The following FCGRT variants were observed in gnomAD, a reference collection of about 807,000 sequenced individuals.
FCGRT encodes the protein IgG receptor FcRn large subunit p51.
FCGRT carries 13 observed loss-of-function variants against 35.7 expected under a neutral mutation model. The observed-to-expected ratio is 0.36, with a 90% CI of 0.24 to 0.58. The LOEUF (loss-of-function observed/expected upper bound fraction) is 0.58, where lower values mean the gene tolerates loss of function less well. Among genes scored for constraint, FCGRT ranks in the 20% least tolerant of loss-of-function variants. The probability of loss-of-function intolerance (pLI) is 0.77; values close to 1 mark genes in which losing one functional copy is unlikely to be tolerated. For synonymous variants in FCGRT, 233 were observed against 216.5 expected, an observed-to-expected ratio of 1.08 and a Z score of -0.67; for missense variants, 455 against 474.9, an observed-to-expected ratio of 0.96 and a Z score of 0.39.
intron 4 of FCGRT, among the ~76,000 whole-genome samples, chr19:49,519,595 T>C (rs1445091842): frequency 6.6e-6 from 1 of 152,146 alleles, no homozygotes; most frequent in African/African-American, 2.4e-5. Context: ...TAGTCCTCCT[T>C]CTCTTCTTTA....
intron 2 of FCGRT, 120 bp downstream of exon 2, chr19:49,513,593 CG>C (rs1252167684): frequency 1.3e-5 from 7 of 538,144 alleles, no homozygotes; most frequent in Non-Finnish European, 2.0e-5. Context: ...CTGCCTTCTC[CG>C]CTCAATTAAC....
At chr19:49,518,596 C>T (rs770454306) in intron 4 of FCGRT, among the ~76,000 whole-genome samples, 3 of 152,186 alleles carry the variant, frequency 2.0e-5, no homozygotes, top group African/African-American at 7.2e-5. Flanking sequence ...TGCAGAGGCA[C>T]GAACTCGGCT....
In FCGRT at chr19:49,514,222, C is replaced by A; in HGVS notation, c.337C>A (p.Leu113Met). 2 of 1,610,572 alleles carry A rather than the reference C, an allele frequency of 1.2e-6. No individual in the cohort carries two copies. The highest frequency in any genetic ancestry group is 1.7e-6 in the Non-Finnish European group (2 of 1,178,486). Reference sequence around the variant, plus strand: ...TTTGGGCGCCCCAGGTCCCTACACTCTGCAGGGCCTGCTGGGCTGTGAACT... The same window carrying A: ...TTTGGGCGCCCCAGGTCCCTACACTATGCAGGGCCTGCTGGGCTGTGAACT... The part of the protein sequence containing the change: ...KALGGKGPYT[L>M]QGLLGCELGP... Residue 113 changes from leucine (L) to methionine (M), a missense_variant, in exon 4 of 7, where the codon CTG becomes ATG. Physicochemically the swap from Leu to Met is conservative, Grantham distance 15. Coordinates refer to ENST00000221466, the MANE Select transcript of FCGRT (RefSeq NM_001136019.3).
At chr19:49,516,997 C>G (rs143733879) in intron 4 of FCGRT, among the ~76,000 whole-genome samples, 15 of 152,094 alleles carry the variant, frequency 9.9e-5, no homozygotes, top group African/African-American at 3.1e-4. Flanking sequence ...CAAGACCAGC[C>G]TGGGCAACAT....
At chr19:49,524,441 C>G in intron 4 of FCGRT, 66 bp from the exon 5 acceptor site, 3 of 1,537,732 alleles carry the variant, frequency 2.0e-6, no homozygotes, top group Non-Finnish European at 2.6e-6. Context: ...CTTTCTGTCC[C>G]TATCCAGCCC....
chr19:49,524,148 A>T (rs941510129), intron 4 of FCGRT, among the ~76,000 whole-genome samples: 1 of 151,618 alleles, frequency 6.6e-6, no homozygotes, highest in Admixed American at 6.6e-5. Flanking sequence ...CCTCCTGAGT[A>T]GCTGGGACTA....
intron 4 of FCGRT, among the ~76,000 whole-genome samples, chr19:49,520,002 T>C (rs1361570219): frequency 2.6e-5 from 4 of 150,974 alleles, no homozygotes; most frequent in Non-Finnish European, 4.4e-5. Context: ...GGCTAATTTT[T>C]GTATTTTTTT....
chr19:49,513,579 G>C (rs1055438298), intron 2 of FCGRT, 106 bp downstream of exon 2: 2 of 603,098 alleles, frequency 3.3e-6, no homozygotes, highest in Non-Finnish European at 4.9e-6. Context: ...GCGAGCCCCT[G>C]GCGCTGCCTT....
At position 49,514,072 on chromosome 19, in the gene FCGRT, C is replaced by A; in HGVS notation, c.264C>A (p.Thr88=). ...NQVSWYWEKE[T]TDLRIKEKLF... The stretch of plus-strand genomic sequence containing the variant: ...TGTCCTGGTATTGGGAGAAAGAGAC[C>A]ACAGATCTGAGGATCAAGGAGAAGC... Residue 88 remains threonine (T), a synonymous_variant, in exon 3 of 7, where the codon ACC becomes ACA. Coordinates refer to ENST00000221466, the MANE Select transcript of FCGRT (RefSeq NM_001136019.3). 6.2e-7 allele frequency: 1 copy of A among 1,611,544 alleles called. No individual in the cohort carries two copies. The highest frequency in any genetic ancestry group is 1.1e-5 in the South Asian group (1 of 91,084).
chr19:49,525,036 G>C (rs2080065761), intron 5 of FCGRT: 1 of 639,250 alleles, frequency 1.6e-6, no homozygotes, highest in African/African-American at 2.0e-5. Flanking sequence ...CCCTGAGTCT[G>C]ACCATCTTCC....
Position 49,514,268 on chromosome 19 carries a change from T to C in FCGRT, c.383T>C (p.Val128Ala). The change falls in exon 4 of 7, where the codon GTG becomes GCG. Residue 128 changes from valine (V) to alanine (A), a missense_variant. Val to Ala is a moderately conservative substitution (Grantham distance 64, BLOSUM62 0). Transcript: ENST00000221466. ...GCELGPDNTS[V>A]PTAKFALNGE... Reference sequence around the variant, plus strand: ...GAACTGGGCCCTGACAACACCTCGGTGCCCACCGCCAAGTTCGCCCTGAAC... The same window carrying C: ...GAACTGGGCCCTGACAACACCTCGGCGCCCACCGCCAAGTTCGCCCTGAAC... The C allele has an allele frequency of 6.2e-7, 1 of 1,610,782 alleles. No homozygotes were observed. The highest frequency in any genetic ancestry group is 8.5e-7 in the Non-Finnish European group (1 of 1,178,748).
intron 4 of FCGRT, among the ~76,000 whole-genome samples, chr19:49,519,270 C>CT (rs1031846449): frequency 7.7e-4 from 113 of 146,026 alleles, no homozygotes; most frequent in East Asian, 1.4e-3. Context: ...CCAGTTTATT[C>CT]TTTTTTTTTT....
chr19:49,525,321 G>A (rs920418470), intron 5 of FCGRT, 136 bp from the exon 6 acceptor site: 2 of 742,168 alleles, frequency 2.7e-6, no homozygotes, highest in East Asian at 2.5e-5. Flanking sequence ...TCGCCTGCCT[G>A]GCCTCGCCTC....
In FCGRT at chr19:49,514,344, C is replaced by G. The variant is rs1568698968; in HGVS notation, c.459C>G (p.Asp153Glu). The change falls in exon 4 of 7, where the codon GAC becomes GAG. Residue 153 changes from aspartate to glutamate, a missense_variant. Transcript: ENST00000221466. Reference sequence around the variant, plus strand: ...TCAAGCAGGGCACCTGGGGTGGGGACTGGCCCGAGGCCCTGGCTATCAGTC... The same window carrying G: ...TCAAGCAGGGCACCTGGGGTGGGGAGTGGCCCGAGGCCCTGGCTATCAGTC... The part of the protein sequence containing the change: ...FDLKQGTWGG[D>E]WPEALAISQR... 1 of 1,613,518 alleles carries G rather than the reference C, an allele frequency of 6.2e-7. No homozygotes were observed. The highest frequency in any genetic ancestry group is 8.5e-7 in the Non-Finnish European group (1 of 1,179,864).
rs2079989819 is a variant in FCGRT, at chr19:49,513,885, G to A, written c.77G>A (p.Ser26Asn). 6.3e-7 allele frequency: 1 copy of A among 1,593,122 alleles called. No individual in the cohort carries two copies. Residue 26 changes from serine to asparagine, a missense_variant, in exon 3 of 7, where the codon AGC becomes AAC. By Grantham distance (46) the Ser-to-Asn change is conservative (BLOSUM62 1). Around this residue, in one of 3 missense-constraint regions of FCGRT, gnomAD observed 136 missense variants for 158.9 expected, o/e 0.86. Transcript: ENST00000221466. The part of the protein sequence containing the change: ...FLLPGSLGAE[S>N]HLSLLYHLTA... ...TCAGCTCTGTTTCTGTCTGCAGAAAGCCACCTCTCCCTCCTGTACCACCTT... is the reference window on the plus strand; with the variant it reads ...TCAGCTCTGTTTCTGTCTGCAGAAAACCACCTCTCCCTCCTGTACCACCTT...
intron 4 of FCGRT, among the ~76,000 whole-genome samples, chr19:49,517,113 C>G (rs1337146306): frequency 6.6e-6 from 1 of 152,112 alleles, no homozygotes; most frequent in Admixed American, 6.6e-5. Flanking sequence ...ATCGCTTGAG[C>G]TCAGGAGTTT....
At chr19:49,514,786 C>T (rs151239152) in intron 4 of FCGRT, among the ~76,000 whole-genome samples, 1,923 of 151,592 alleles carry the variant, frequency 0.013, 37 homozygotes, top group African/African-American at 0.044. Flanking sequence ...CTCCGCCTCC[C>T]GGGTTCAAGT....
At chr19:49,523,066 C>T (rs939217658) in intron 4 of FCGRT, among the ~76,000 whole-genome samples, 3 of 151,890 alleles carry the variant, frequency 2.0e-5, no homozygotes, top group Non-Finnish European at 2.9e-5. Context: ...CGTGAGCCAC[C>T]GCGCCTGGCC....
intron 4 of FCGRT, among the ~76,000 whole-genome samples, chr19:49,516,892 A>G (rs1479577524): frequency 6.6e-6 from 1 of 152,084 alleles, no homozygotes; most frequent in African/African-American, 2.4e-5. Context: ...TTAAGTAGAA[A>G]CAATAGTATA....
Sources: gnomAD v4.1 joint callset for allele counts (sites outside exome capture counted in the v4.1 genomes callset) on GRCh38, gnomAD v4.1.1 for gene constraint, gnomAD v4.1.1 regional missense constraint, MANE v1.5 for transcripts, NCBI Gene and HGNC (gene_info 2026-07-23, HGNC 2026-07-21) for gene names.